Variants in NLN observed in about 807,000 individuals in gnomAD.
The protein encoded by NLN is neurolysin.
A neutral mutation model predicts 79.9 loss-of-function variants in NLN; 64 were observed. That is an observed-to-expected ratio of 0.80 (90% CI 0.65 to 0.99). The LOEUF is 0.99. NLN is among the 50% of genes least tolerant of loss of function. NLN has a pLI of 0.00. For missense variants in NLN, 835 were observed against 858.7 expected (o/e 0.97, Z 0.34); for synonymous variants, 267 against 296.6 (o/e 0.90, Z 1.02).
chr5:65,800,215 T>C (rs1248694206), intron 9 of NLN, among the ~76,000 whole-genome samples: 1 of 152,270 alleles, frequency 6.6e-6, no homozygotes, highest in East Asian at 1.9e-4. Context: ...TTTAGGCCTT[T>C]AAATACAGCA....
chr5:65,786,950 T>TA (rs1759937242), intron 7 of NLN, among the ~76,000 whole-genome samples: 2 of 152,196 alleles, frequency 1.3e-5, no homozygotes, highest in Non-Finnish European at 2.9e-5. Flanking sequence ...TGTGAACAGG[T>TA]AATTACTCTA....
chr5:65,771,173 G>GA (rs932186774), intron 3 of NLN, among the ~76,000 whole-genome samples: 5 of 150,416 alleles, frequency 3.3e-5, no homozygotes, highest in Non-Finnish European at 7.4e-5. Flanking sequence ...ATTCCACTAA[G>GA]AAAAAAAAAG....
At chr5:65,731,163 G>A (rs551690257) in intron 1 of NLN, among the ~76,000 whole-genome samples, 21 of 152,288 alleles carry the variant, frequency 1.4e-4, no homozygotes, top group Non-Finnish European at 2.4e-4. Context: ...GTGACGTCTC[G>A]TCCTCCAAGA....
At chr5:65,818,237 C>G (rs888928272) in intron 12 of NLN, among the ~76,000 whole-genome samples, 1 of 152,170 alleles carries the variant, frequency 6.6e-6, no homozygotes, top group African/African-American at 2.4e-5. Flanking sequence ...CTTTATCTTC[C>G]CTGATAGATC....
chr5:65,788,155 A>G lies in NLN; in HGVS notation c.996A>G (p.Ala332=). 1 of 1,614,148 alleles carries G rather than the reference A, an allele frequency of 6.2e-7. No individual in the cohort carries two copies. The highest frequency in any genetic ancestry group is 8.5e-7 in the Non-Finnish European group (1 of 1,179,986). ...AGAAGTTAAAACCCTTGGGTGAAGC[A>G]GAACGAGAGTTTATTTTGAATTTGA... ...LSQKLKPLGE[A]EREFILNLKK... The change falls in exon 8 of 13, where the codon GCA becomes GCG. Residue 332 remains alanine, a synonymous_variant. Coordinates refer to ENST00000380985, the MANE Select transcript of NLN (RefSeq NM_020726.5).
chr5:65,806,572 T>G (rs1358496007), intron 9 of NLN, among the ~76,000 whole-genome samples: 2 of 152,180 alleles, frequency 1.3e-5, no homozygotes, highest in Non-Finnish European at 2.9e-5. Context: ...TGCTGCAATC[T>G]CATGATAAAA....
intron 11 of NLN, among the ~76,000 whole-genome samples, chr5:65,811,679 C>T (rs986523089): frequency 5.9e-5 from 9 of 151,904 alleles, no homozygotes; most frequent in African/African-American, 9.7e-5. Context: ...GAAAATTAGC[C>T]GGCGTGGTGG....
intron 6 of NLN, among the ~76,000 whole-genome samples, chr5:65,785,011 T>G (rs1159614399): frequency 6.6e-6 from 1 of 152,260 alleles, no homozygotes; most frequent in Non-Finnish European, 1.5e-5. Flanking sequence ...ATTTCCTTCC[T>G]TGTAAAGGCA....
At chr5:65,787,666 G>A (rs1488745136) in intron 7 of NLN, among the ~76,000 whole-genome samples, 1 of 152,154 alleles carries the variant, frequency 6.6e-6, no homozygotes, top group African/African-American at 2.4e-5. Context: ...CCCAGTGATA[G>A]GAATTTCTAG....
rs1457958242 is a variant in NLN at position 65,733,373 on chromosome 5, C to T, written c.41+10959C>T. The T allele has an allele frequency of 1.4e-5, 21 of 1,510,286 alleles. 2 individuals carry two copies. In the East Asian group the frequency reaches 3.2e-4, roughly 23 times the overall value. 93.6% of individuals were successfully genotyped at this position (1,510,286 alleles called of 1,614,324 possible). On this transcript the variant is annotated intron_variant, in intron 1 of 12. Transcript: ENST00000380985. ...TGAGCCACTGCTCCCAGCTCACCAC[C>T]TTCTACTTTCATGGAAACGAGACCT... is the stretch of plus-strand genomic sequence containing the variant.
chr5:65,778,568 A>G (rs1406487562), intron 4 of NLN, among the ~76,000 whole-genome samples: 1 of 152,214 alleles, frequency 6.6e-6, no homozygotes, highest in African/African-American at 2.4e-5. Context: ...TTGGAGCATG[A>G]ACACTGTATT....
intron 1 of NLN, among the ~76,000 whole-genome samples, chr5:65,726,811 G>A (rs1042972929): frequency 5.3e-5 from 8 of 152,172 alleles, no homozygotes; most frequent in Admixed American, 4.6e-4. Flanking sequence ...AATCTGCTCT[G>A]TTTCAAAATC....
rs1025187086 is a variant in NLN, at chr5:65,827,312, AG to A, written c.*4401del. The A allele has an allele frequency of 6.0e-4, 92 of 152,282 alleles. No individual in the cohort carries two copies. Among genetic ancestry groups the A allele is most frequent in the African/African-American group, 2.0e-3 (82 of 41,558 alleles). 9.4% of individuals were successfully genotyped at this position (152,282 alleles called of 1,614,324 possible). ...AGTCCACGATGTACGTACAAGGGGA[AG>A]GGGTGAACAGGAAATAGACTCCCTT... On this transcript the variant is annotated 3_prime_UTR_variant, in exon 13 of 13. Transcript: ENST00000380985.
chr5:65,803,810 G>A (rs1456833791), intron 9 of NLN, among the ~76,000 whole-genome samples: 4 of 152,146 alleles, frequency 2.6e-5, no homozygotes, highest in African/African-American at 9.7e-5. Flanking sequence ...TTAGAAGGGG[G>A]AAGGACTTTT....
chr5:65,757,817 A>T (rs1003974694), intron 1 of NLN, among the ~76,000 whole-genome samples: 3 of 151,782 alleles, frequency 2.0e-5, no homozygotes, highest in Admixed American at 2.0e-4. Flanking sequence ...AATTTTGGTT[A>T]AAAAAAATTG....
rs141371143 is a variant in NLN, at chr5:65,754,808, A to C, written c.42-3759A>C. Among the ~76,000 whole-genome samples the C allele has an allele frequency of 9.4e-4, 143 of 152,214 alleles. 1 individual carries two copies. In the East Asian group the frequency reaches 0.025, roughly 26 times the overall value. ...TGTAAAAACACCTTTGAGGCTCATC[A>C]TCTGGTTTTCCCATTTTATATCCTG... On this transcript the variant is annotated intron_variant, in intron 1 of 12. Transcript: ENST00000380985.
rs1049893298 is a variant in NLN, at chr5:65,736,494, T to A, written c.41+14080T>A. ...TTTACCAAATAATGCCCAATTCTTT[T>A]TCCAAAGTGGTTATACTAATTTACT... On this transcript the variant is annotated intron_variant, in intron 1 of 12. Transcript: ENST00000380985. 1.9e-4 allele frequency among the ~76,000 whole-genome samples: 29 copies of A among 152,226 alleles called. 1 individual carries two copies. The highest frequency in any genetic ancestry group is 7.3e-5 in the Non-Finnish European group (5 of 68,036).
intron 3 of NLN, among the ~76,000 whole-genome samples, chr5:65,764,478 G>T (rs1232650845): frequency 6.6e-6 from 1 of 152,214 alleles, no homozygotes; most frequent in African/African-American, 2.4e-5. Context: ...AGTGAGCTGA[G>T]ATCATGCCAC....
chr5:65,772,961 T>G (rs1035457657), intron 3 of NLN, among the ~76,000 whole-genome samples: 1 of 151,344 alleles, frequency 6.6e-6, no homozygotes, highest in African/African-American at 2.4e-5. Context: ...TTGTTTTTTT[T>G]TTTTTTAAAT....
Sources: gnomAD v4.1 joint callset for allele counts (sites outside exome capture counted in the v4.1 genomes callset) on GRCh38, gnomAD v4.1.1 for gene constraint, MANE v1.5 for transcripts, NCBI Gene and HGNC (gene_info 2026-07-23, HGNC 2026-07-21) for gene names.